PCDH15: variants seen among roughly 807,000 people sequenced by gnomAD.
PCDH15 encodes the protein protocadherin related 15.
In PCDH15, 129 loss-of-function variants were observed where a neutral mutation model predicts 178.5. That is an observed-to-expected ratio of 0.72 (90% CI 0.63 to 0.84). The LOEUF is 0.84. Among genes scored for constraint, PCDH15 ranks in the 40% least tolerant of loss-of-function variants. PCDH15 has a pLI of 0.00. For synonymous variants in PCDH15, 800 were observed against 732.0 expected, an observed-to-expected ratio of 1.09 and a Z score of -1.50; for missense variants, 2,230 against 2,099.9, an observed-to-expected ratio of 1.06 and a Z score of -1.21.
At chr10:54,686,558 G>A (rs924589778) in intron 1 of PCDH15, among the ~76,000 whole-genome samples, 10 of 151,904 alleles carry the variant, frequency 6.6e-5, no homozygotes, top group African/African-American at 1.7e-4. Flanking sequence ...TTACATTTAC[G>A]TCAATAACCT....
At chr10:55,127,770 A>C (rs146027499) in intron 2 of PCDH15, among the ~76,000 whole-genome samples, 4 of 152,172 alleles carry the variant, frequency 2.6e-5, no homozygotes, top group Non-Finnish European at 5.9e-5. Context: ...TATTTCTTGC[A>C]ATCATTTACG....
chr10:53,982,591 G>C (rs1178182913), intron 21 of PCDH15, among the ~76,000 whole-genome samples: 3 of 148,122 alleles, frequency 2.0e-5, no homozygotes, highest in African/African-American at 7.5e-5. Context: ...AACACCGCAT[G>C]TTCTCACTCA....
At position 55,144,269 on chromosome 10, in the gene PCDH15, AG is replaced by A. The variant is rs768031361; in HGVS notation, c.-80+22306del. ...AAATTCTACTCTTGTATTACGGCTG[AG>A]AAAAAAAAAAATCCACTGTGACATA... On this transcript the variant is annotated intron_variant, in intron 2 of 5. Coordinates refer to the PCDH15 transcript ENST00000458638. Among the ~76,000 whole-genome samples, 185 of 35,672 alleles carry A rather than the reference AG, an allele frequency of 5.2e-3. 2 individuals carry two copies. In the South Asian group the frequency reaches 0.058, roughly 11 times the overall value. The allele number at this position is 35,672 out of a possible 152,430, so 23.4% of individuals were successfully genotyped here.
rs998374161 is a variant in PCDH15 at position 54,913,633 on chromosome 10, TCAA to T, written c.-79-16136_-79-16134del. On this transcript the variant is annotated intron_variant, in intron 2 of 5. Coordinates refer to the PCDH15 transcript ENST00000458638. ...TAAAGATTCCAGAATGGTAGATCCGTCAACATCTTGCACCAAGTGCTTGGAAAA... is the reference window on the plus strand; with the variant it reads ...TAAAGATTCCAGAATGGTAGATCCGTCATCTTGCACCAAGTGCTTGGAAAA... Among the ~76,000 whole-genome samples, 16 of 152,214 alleles carry T rather than the reference TCAA, an allele frequency of 1.1e-4. 1 individual carries two copies. Among genetic ancestry groups the T allele is most frequent in the African/African-American group, 3.9e-4 (16 of 41,530 alleles).
At chr10:53,925,606 T>C (rs2084464331) in intron 25 of PCDH15, among the ~76,000 whole-genome samples, 1 of 152,214 alleles carries the variant, frequency 6.6e-6, no homozygotes, top group Non-Finnish European at 1.5e-5. Context: ...CTAGCTCATC[T>C]CCTCTTAAAG....
chr10:55,026,489 T>C (rs1266321777), intron 2 of PCDH15, among the ~76,000 whole-genome samples: 2 of 151,980 alleles, frequency 1.3e-5, no homozygotes, highest in Non-Finnish European at 1.5e-5. Context: ...CTTAACTACA[T>C]ATTCACAAAG....
chr10:54,242,187 T>C (rs10825282), intron 8 of PCDH15, among the ~76,000 whole-genome samples: 11,366 of 76,406 alleles, frequency 0.15, 942 homozygotes, highest in East Asian at 0.21. Flanking sequence ...TATATATATA[T>C]ACACACACAC....
intron 3 of PCDH15, among the ~76,000 whole-genome samples, chr10:54,483,373 A>G (rs894962470): frequency 4.0e-5 from 6 of 151,686 alleles, no homozygotes; most frequent in Non-Finnish European, 5.9e-5. Flanking sequence ...TGCTTTATTT[A>G]TTTTATTTAT....
chr10:54,587,533 TA>T lies in PCDH15; in HGVS notation c.92-59657del, dbSNP rs34508767. On this transcript the variant is annotated intron_variant, in intron 2 of 37. Coordinates refer to ENST00000644397, the MANE Select transcript of PCDH15 (RefSeq NM_001384140.1). ...CGCCAGCAAAAACCCAAACACACAATAAAAAAAAAAAAGACTTACATTAAAG... is the reference window on the plus strand; with the variant it reads ...CGCCAGCAAAAACCCAAACACACAATAAAAAAAAAAAGACTTACATTAAAG... Among the ~76,000 whole-genome samples, 655 of 140,372 alleles carry T rather than the reference TA, an allele frequency of 4.7e-3. 2 individuals are homozygous for T. Among genetic ancestry groups the T allele is most frequent in the Non-Finnish European group, 7.4e-3 (474 of 64,156 alleles). 92.1% of individuals were successfully genotyped at this position (140,372 alleles called of 152,430 possible). A position where few individuals can be genotyped will look rare whatever the true frequency, so the allele number is the denominator to read the frequency against.
intron 2 of PCDH15, among the ~76,000 whole-genome samples, chr10:54,550,647 A>G (rs913734661): frequency 6.6e-6 from 1 of 152,186 alleles, no homozygotes; most frequent in African/African-American, 2.4e-5. Flanking sequence ...TTTCTACATC[A>G]ATTTTCTATG....
intron 14 of PCDH15, among the ~76,000 whole-genome samples, chr10:54,133,832 C>T (rs1483175364): frequency 6.7e-6 from 1 of 150,066 alleles, no homozygotes; most frequent in Non-Finnish European, 1.5e-5. Context: ...AGCCCTCTAT[C>T]GTGAAAAAAC....
chr10:54,912,828 A>T (rs1253686208), intron 2 of PCDH15, among the ~76,000 whole-genome samples: 1 of 152,156 alleles, frequency 6.6e-6, no homozygotes. Context: ...TGCTGAATGG[A>T]ATATGAAAAA....
rs763704132 is a variant in PCDH15, at chr10:54,774,007, C to CTTTTTTTTTTTTTTTT, written c.-29+26902_-29+26917dup. Among the ~76,000 whole-genome samples the CTTTTTTTTTTTTTTTT allele has an allele frequency of 1.1e-4, 8 of 75,386 alleles. 2 individuals are homozygous for CTTTTTTTTTTTTTTTT. The highest frequency in any genetic ancestry group is 2.0e-4 in the Admixed American group (1 of 5,082). 49.5% of individuals were successfully genotyped at this position (75,386 alleles called of 152,430 possible). On this transcript the variant is annotated intron_variant, in intron 1 of 37. Transcript: ENST00000644397. ...TAGATGAACTGGCATACTTCATAGG[C>CTTTTTTTTTTTTTTTT]TTTTTTTTTTTTTTTTTTTTTTTTT...
chr10:54,648,601 TA>T (rs1160770629), intron 2 of PCDH15, among the ~76,000 whole-genome samples: 1 of 152,110 alleles, frequency 6.6e-6, no homozygotes, highest in African/African-American at 2.4e-5. Context: ...GTGTTATCTA[TA>T]AAATACAATG....
intron 2 of PCDH15, among the ~76,000 whole-genome samples, chr10:54,982,458 TGAA>T (rs1564687832): frequency 2.0e-5 from 3 of 152,156 alleles, no homozygotes; most frequent in African/African-American, 7.2e-5. Context: ...AGATAAAACT[TGAA>T]GAAGAAATAT....
chr10:55,040,328 G>A (rs934303258), intron 2 of PCDH15, among the ~76,000 whole-genome samples: 3 of 152,050 alleles, frequency 2.0e-5, no homozygotes, highest in African/African-American at 7.2e-5. Flanking sequence ...TGAAAGAATG[G>A]TGGGCACTCT....
rs184416125 is a variant in PCDH15, at chr10:54,833,339, T to C, written c.-29+64111A>G. 7.6e-4 allele frequency among the ~76,000 whole-genome samples: 116 copies of C among 152,288 alleles called. 1 individual carries two copies. Among genetic ancestry groups the C allele is most frequent in the Admixed American group, 4.8e-3 (73 of 15,278 alleles). On this transcript the variant is annotated intron_variant, in intron 3 of 5. Coordinates refer to the PCDH15 transcript ENST00000458638. ...AACATTAGATGTTTCTGTGAAGGCA[T>C]TTTTTAGATGTGAATGACATTTATA...
chr10:54,660,799 G>C (rs1057097590), intron 2 of PCDH15, among the ~76,000 whole-genome samples: 1 of 152,104 alleles, frequency 6.6e-6, no homozygotes, highest in East Asian at 1.9e-4. Context: ...TGCACAAATA[G>C]TTAAACATAT....
chr10:54,790,497 A>T (rs893187986), intron 1 of PCDH15, among the ~76,000 whole-genome samples: 1 of 151,828 alleles, frequency 6.6e-6, no homozygotes, highest in South Asian at 2.1e-4. Flanking sequence ...CATGTGCCAC[A>T]TCCCATCCTA....
Sources: gnomAD v4.1 joint callset for allele counts (sites outside exome capture counted in the v4.1 genomes callset) on GRCh38, gnomAD v4.1.1 for gene constraint, MANE v1.5 for transcripts, NCBI Gene and HGNC (gene_info 2026-07-23, HGNC 2026-07-21) for gene names.